Variants in KIF20B observed in about 807,000 individuals in gnomAD.
KIF20B encodes kinesin-like protein KIF20B.
A neutral mutation model predicts 232.5 loss-of-function variants in KIF20B; 188 were observed. The ratio of observed to expected loss-of-function variants is 0.81; its 90% confidence interval spans 0.72 to 0.91. The LOEUF (loss-of-function observed/expected upper bound fraction) is 0.91, where lower values mean the gene tolerates loss of function less well. Ranked by LOEUF, KIF20B falls within the 40% of genes least tolerant of loss-of-function variation. The pLI is 0.00. For synonymous variants in KIF20B, 712 were observed against 683.0 expected, an observed-to-expected ratio of 1.04 and a Z score of -0.66; for missense variants, 2,154 against 2,055.9, an observed-to-expected ratio of 1.05 and a Z score of -0.92.
chr10:89,742,413 T>A lies in KIF20B; in HGVS notation c.3916-1395T>A, dbSNP rs1589870474. Among the ~76,000 whole-genome samples the A allele has an allele frequency of 2.6e-5, 4 of 152,294 alleles. No homozygotes were observed. The South Asian group carries it at 8.3e-4, about 32-fold the overall frequency. ...CTAAGTTCACTTGTCTTAGTCTTAA[T>A]AAGACTTGTCTAAGTTCACTCAGTA... On this transcript the variant is annotated intron_variant, in intron 21 of 32. Transcript: ENST00000371728.
intron 27 of KIF20B, 64 bp from the exon 28 acceptor site, chr10:89,760,462 G>A: frequency 1.0e-6 from 1 of 953,066 alleles, no homozygotes; most frequent in Admixed American, 2.0e-5. Flanking sequence ...TTCTTTATGT[G>A]AAGTTTTCTT....
At chr10:89,728,406 C>G (rs1471371071) in intron 17 of KIF20B, among the ~76,000 whole-genome samples, 3 of 152,192 alleles carry the variant, frequency 2.0e-5, no homozygotes, top group East Asian at 3.8e-4. Flanking sequence ...TTATAGAACA[C>G]TTACCATTTA....
chr10:89,757,040 GTATATATATATATATA>G (rs34325599), intron 26 of KIF20B, among the ~76,000 whole-genome samples: 8 of 110,754 alleles, frequency 7.2e-5, no homozygotes, highest in African/African-American at 1.7e-4. Flanking sequence ...GTGTGTGTGT[GTATATATATATATATA>G]TATATATATA....
intron 26 of KIF20B, among the ~76,000 whole-genome samples, chr10:89,757,069 T>TATATATATATATATAC (rs138088478): frequency 1.1e-3 from 152 of 134,226 alleles, no homozygotes; most frequent in Admixed American, 9.6e-3. Flanking sequence ...TATATATATA[T>TATATATATATATATAC]ACACACATGA....
chr10:89,727,260 CT>C (rs1378186235), intron 16 of KIF20B, among the ~76,000 whole-genome samples: 2 of 147,216 alleles, frequency 1.4e-5, no homozygotes, highest in Non-Finnish European at 1.5e-5. Flanking sequence ...TTCCCCCCCC[CT>C]TTTTTTTTTA....
At chr10:89,748,811 T>G (rs990389990) in intron 23 of KIF20B, among the ~76,000 whole-genome samples, 4 of 152,210 alleles carry the variant, frequency 2.6e-5, no homozygotes, top group African/African-American at 7.2e-5. Context: ...TTGTTTTCTT[T>G]GCCAAATATG....
In KIF20B at chr10:89,726,394, A is replaced by G; in HGVS notation, c.2103A>G (p.Ala701=). The change falls in exon 16 of 33, where the codon GCA becomes GCG. Residue 701 remains alanine, a synonymous_variant. Transcript: ENST00000371728. ...KQAEIAHLYI[A]SLPDPQEATA... Reference sequence around the variant, plus strand: ...CTGAAATTGCTCACTTATATATTGCATCTCTTCCTGACCCCCAGGAAGCTA... The same window carrying G: ...CTGAAATTGCTCACTTATATATTGCGTCTCTTCCTGACCCCCAGGAAGCTA... The G allele has an allele frequency of 1.3e-6, 2 of 1,580,578 alleles. No individual in the cohort carries two copies. The highest frequency in any genetic ancestry group is 1.7e-6 in the Non-Finnish European group (2 of 1,160,864).
intron 29 of KIF20B, among the ~76,000 whole-genome samples, chr10:89,768,005 T>C (rs1474498766): frequency 6.6e-6 from 1 of 152,086 alleles, no homozygotes; most frequent in Non-Finnish European, 1.5e-5. Context: ...CATTGTGGGC[T>C]GTATACCTCT....
intron 21 of KIF20B, among the ~76,000 whole-genome samples, chr10:89,741,438 AT>A (rs1841791861): frequency 6.6e-6 from 1 of 152,192 alleles, no homozygotes; most frequent in Non-Finnish European, 1.5e-5. Flanking sequence ...ATAGATGACT[AT>A]TTAACATTAC....
intron 26 of KIF20B, among the ~76,000 whole-genome samples, chr10:89,756,210 C>T (rs1842115814): frequency 1.3e-5 from 2 of 152,172 alleles, no homozygotes; most frequent in South Asian, 4.1e-4. Flanking sequence ...TTCATGAAAT[C>T]ATTTTATTTA....
In KIF20B at chr10:89,758,852, A is replaced by G; in HGVS notation, c.4650A>G (p.Leu1550=). ...NVQKDNEIEQ[L]KRIISETSKI... is the part of the protein sequence containing the mutation. ...AGAAAGATAATGAAATTGAACAACT[A>G]AAAAGGATCATATCAGAGACTTCTA... The change falls in exon 27 of 33, where the codon CTA becomes CTG. Residue 1550 remains leucine, a synonymous_variant. Coordinates refer to ENST00000371728, the MANE Select transcript of KIF20B (RefSeq NM_001284259.2). The G allele has an allele frequency of 1.9e-6, 3 of 1,591,482 alleles. No individual in the cohort carries two copies. In the African/African-American group the frequency reaches 4.1e-5, roughly 22 times the overall value.
In KIF20B at chr10:89,754,486, G is replaced by A. The variant is rs763814959; in HGVS notation, c.4348-32G>A. 4 of 1,410,190 alleles carry A rather than the reference G, an allele frequency of 2.8e-6. No homozygotes were observed. The South Asian group carries it at 5.0e-5, about 18-fold the overall frequency. 87.4% of individuals were successfully genotyped at this position (1,410,190 alleles called of 1,614,324 possible). A position where few individuals can be genotyped will look rare whatever the true frequency, so the allele number is the denominator to read the frequency against. ...CATGTATTGACTACTTTGTAGGCAT[G>A]CGATAATAACTTATACCATTTATAT... On this transcript the variant is annotated intron_variant, in intron 25 of 32. Transcript: ENST00000371728.
intron 29 of KIF20B, 38 bp from the exon 30 acceptor site, chr10:89,768,252 T>A (rs775346598): frequency 8.0e-7 from 1 of 1,247,544 alleles, no homozygotes; most frequent in Non-Finnish European, 1.1e-6. Context: ...TAAAATATTG[T>A]CAAGAAATTA....
At chr10:89,701,972 G>GT (rs1317626306) in intron 1 of KIF20B, among the ~76,000 whole-genome samples, 2 of 152,200 alleles carry the variant, frequency 1.3e-5, no homozygotes, top group Admixed American at 1.3e-4. Context: ...TTTCTTATCA[G>GT]TTAAAAGGCT....
chr10:89,774,804 A>G lies in KIF20B; in HGVS notation c.*756A>G, dbSNP rs890421653. On this transcript the variant is annotated 3_prime_UTR_variant, in exon 33 of 33. Transcript: ENST00000371728. ...TTTTATCTTATTTGTTTTTGTACCC[A>G]TTAACCATCCCCACCTCCCCCTGCA... The G allele has an allele frequency of 2.6e-5, 4 of 151,926 alleles. No homozygotes were observed. Among genetic ancestry groups the G allele is most frequent in the Non-Finnish European group, 4.4e-5 (3 of 67,856 alleles). The allele number at this position is 151,926 out of a possible 1,614,324, so 9.4% of individuals were successfully genotyped here.
At chr10:89,741,205 C>T (rs1841787041) in intron 21 of KIF20B, among the ~76,000 whole-genome samples, 1 of 152,160 alleles carries the variant, frequency 6.6e-6, no homozygotes, top group Non-Finnish European at 1.5e-5. Context: ...TCATTGCATG[C>T]AGAGTTCACA....
rs1455551940 is a variant in KIF20B, at chr10:89,716,548, G to A, written c.1052+1G>A. 1 of 1,394,324 alleles carries A rather than the reference G, an allele frequency of 7.2e-7. No homozygotes were observed. 86.4% of individuals were successfully genotyped at this position (1,394,324 alleles called of 1,614,324 possible). A position where few individuals can be genotyped will look rare whatever the true frequency, so the allele number is the denominator to read the frequency against. ...AATTGAATAATGCTTCCAGTAGAAG[G>A]TAAAGAATAAACTCTGTAAGAGTAA... On this transcript the variant is annotated splice_donor_variant, in intron 9 of 32. Coordinates refer to ENST00000371728, the MANE Select transcript of KIF20B (RefSeq NM_001284259.2). LOFTEE classifies it high-confidence loss of function.
chr10:89,769,406 TAAAACAAAAC>T lies in KIF20B; in HGVS notation c.5242+535_5242+544del, dbSNP rs553870110. On this transcript the variant is annotated intron_variant, in intron 31 of 32. Transcript: ENST00000371728. ...CCATGGCTTCAGGCCGCTAAAAGCC[TAAAACAAAAC>T]AAAACAAAACAAAACAGAACAAAAA... 7.3e-5 allele frequency among the ~76,000 whole-genome samples: 11 copies of T among 151,674 alleles called. No homozygotes were observed. In the South Asian group the frequency reaches 1.0e-3, roughly 14 times the overall value.
chr10:89,725,241 CA>C (rs1469484944), intron 15 of KIF20B, 83 bp downstream of exon 15: 1 of 1,200,722 alleles, frequency 8.3e-7, no homozygotes, highest in Non-Finnish European at 1.2e-6. Context: ...TGAGAAACAC[CA>C]AGATAGTTTA....
Sources: gnomAD v4.1 joint callset for allele counts (sites outside exome capture counted in the v4.1 genomes callset) on GRCh38, gnomAD v4.1.1 for gene constraint, MANE v1.5 for transcripts, NCBI Gene and HGNC (gene_info 2026-07-23, HGNC 2026-07-21) for gene names.